NKD1: variants seen among roughly 807,000 people sequenced by gnomAD.
NKD1 encodes the protein protein naked cuticle homolog 1.
NKD1 carries 21 observed loss-of-function variants against 56.0 expected under a neutral mutation model. That is an observed-to-expected ratio of 0.38 (90% CI 0.27 to 0.54). NKD1 has a LOEUF of 0.54. Among genes scored for constraint, NKD1 ranks in the 20% least tolerant of loss-of-function variants. The probability of loss-of-function intolerance (pLI) is 0.82; values close to 1 mark genes in which losing one functional copy is unlikely to be tolerated. For missense variants in NKD1, 578 were observed against 642.7 expected, an observed-to-expected ratio of 0.90 and a Z score of 1.09; for synonymous variants, 263 against 265.7, an observed-to-expected ratio of 0.99 and a Z score of 0.10.
intron 4 of NKD1, among the ~76,000 whole-genome samples, chr16:50,621,087 T>A (rs1019234674): frequency 6.6e-6 from 1 of 152,252 alleles, no homozygotes; most frequent in African/African-American, 2.4e-5. Flanking sequence ...GGACGGTGCA[T>A]GTGTGCACTT....
At chr16:50,563,017 G>C (rs1296009525) in intron 3 of NKD1, among the ~76,000 whole-genome samples, 1 of 116,486 alleles carries the variant, frequency 8.6e-6, no homozygotes, top group Non-Finnish European at 1.6e-5. Context: ...ATGGGTAGAA[G>C]AAGGGGCTGT....
At chr16:50,601,305 A>G (rs1961590117) in intron 3 of NKD1, among the ~76,000 whole-genome samples, 1 of 152,176 alleles carries the variant, frequency 6.6e-6, no homozygotes. Flanking sequence ...TTTTAGTTGC[A>G]AGTAACGGAA....
At chr16:50,625,398 T>A in intron 5 of NKD1, 87 bp from the exon 6 acceptor site, 1 of 927,230 alleles carries the variant, frequency 1.1e-6, no homozygotes, top group Non-Finnish European at 1.8e-6. Flanking sequence ...GGCCGCCCCT[T>A]GGCCTGGCCT....
chr16:50,558,994 G>A (rs1202082106), intron 3 of NKD1, among the ~76,000 whole-genome samples: 2 of 152,220 alleles, frequency 1.3e-5, no homozygotes, highest in African/African-American at 2.4e-5. Context: ...GCCCATAGAA[G>A]GTGCCAGAGG....
At chr16:50,631,138 T>C (rs949097628) in intron 8 of NKD1, among the ~76,000 whole-genome samples, 23 of 152,358 alleles carry the variant, frequency 1.5e-4, no homozygotes, top group African/African-American at 5.3e-4. Flanking sequence ...TCAGCATTTT[T>C]TGGGCTTTGG....
chr16:50,621,250 G>A (rs1962080330), intron 4 of NKD1, among the ~76,000 whole-genome samples: 2 of 152,224 alleles, frequency 1.3e-5, no homozygotes, highest in African/African-American at 4.8e-5. Context: ...TGGTCCCTAA[G>A]CTCCCTCGCT....
At chr16:50,566,589 G>C (rs1410919168) in intron 3 of NKD1, among the ~76,000 whole-genome samples, 1 of 152,226 alleles carries the variant, frequency 6.6e-6, no homozygotes, top group Non-Finnish European at 1.5e-5. Flanking sequence ...GAGAGGAGAA[G>C]GCTGTAGAAA....
intron 3 of NKD1, among the ~76,000 whole-genome samples, chr16:50,584,018 T>G (rs780249552): frequency 7.4e-4 from 113 of 152,244 alleles, no homozygotes; most frequent in Non-Finnish European, 1.4e-3. Context: ...GGCATATCAG[T>G]TAGCTGTTGC....
intron 6 of NKD1, among the ~76,000 whole-genome samples, chr16:50,626,368 T>A (rs2151279998): frequency 6.6e-6 from 1 of 152,266 alleles, no homozygotes; most frequent in East Asian, 1.9e-4. Flanking sequence ...TGAGCGGTGA[T>A]GTGTTCAGTG....
At chr16:50,629,050 C>T (rs1438636718) in intron 6 of NKD1, among the ~76,000 whole-genome samples, 1 of 151,646 alleles carries the variant, frequency 6.6e-6, no homozygotes, top group Non-Finnish European at 1.5e-5. Context: ...ACTGCAGCCT[C>T]AAACTCCTAG....
chr16:50,619,871 G>C (rs11864346), intron 4 of NKD1, among the ~76,000 whole-genome samples: 15,939 of 152,248 alleles, frequency 0.1, 2,128 homozygotes, highest in African/African-American at 0.32. Context: ...CTCCATGAGA[G>C]AGAGAGAGGC....
At chr16:50,548,879 C>G (rs1960301984) in intron 2 of NKD1, 130 bp downstream of exon 2, 1 of 1,148,296 alleles carries the variant, frequency 8.7e-7, no homozygotes, top group Non-Finnish European at 1.1e-6. Context: ...ACCGGCCCCC[C>G]AAGCCCGCTC....
intron 3 of NKD1, among the ~76,000 whole-genome samples, chr16:50,584,687 G>C (rs1295505767): frequency 6.6e-6 from 1 of 152,206 alleles, no homozygotes; most frequent in African/African-American, 2.4e-5. Context: ...TAAAATACCA[G>C]CCAGCTTATA....
chr16:50,633,079 T>C lies in NKD1; in HGVS notation c.824-113T>C, dbSNP rs919521314. On this transcript the variant is annotated intron_variant, in intron 9 of 9. Transcript: ENST00000268459. This position sits in a 1 kb window ranked among gnomAD's most constrained non-coding sequence, Gnocchi z 4.9. The stretch of plus-strand genomic sequence containing the variant: ...AAGGCAGTGAGGGGCAGTCAGGGCA[T>C]TGGGGGGTAGCTCTGGTTTTGGAGA... 4.2e-5 allele frequency: 40 copies of C among 958,192 alleles called. No individual in the cohort carries two copies. The East Asian group carries it at 5.2e-4, about 12-fold the overall frequency. 59.4% of individuals were successfully genotyped at this position (958,192 alleles called of 1,614,324 possible).
Position 50,644,760 on chromosome 16 carries a change from A to G in NKD1, c.*10979A>G, listed in dbSNP as rs985853645. Reference sequence around the variant, plus strand: ...CTCTGTCCTCAAAAGGCAGCATCTGATTGTGATTTGGTCCAGAAATTCCTG... The same window carrying G: ...CTCTGTCCTCAAAAGGCAGCATCTGGTTGTGATTTGGTCCAGAAATTCCTG... On this transcript the variant is annotated 3_prime_UTR_variant, in exon 10 of 10. Coordinates refer to ENST00000268459, the MANE Select transcript of NKD1 (RefSeq NM_033119.5). The G allele has an allele frequency of 6.6e-6, 1 of 152,226 alleles. No individual in the cohort carries two copies. The highest frequency in any genetic ancestry group is 2.4e-5 in the African/African-American group (1 of 41,450). The allele number at this position is 152,226 out of a possible 1,614,324, so 9.4% of individuals were successfully genotyped here. A position where few individuals can be genotyped will look rare whatever the true frequency, so the allele number is the denominator to read the frequency against.
At position 50,632,443 on chromosome 16, in the gene NKD1, G is replaced by C; in HGVS notation, c.823+35G>C. ...TCAAGCACCCTGCAATGGGCGATGAGGGCAGGGCGTGGCTGGACGGGCCAG... is the reference window on the plus strand; with the variant it reads ...TCAAGCACCCTGCAATGGGCGATGACGGCAGGGCGTGGCTGGACGGGCCAG... On this transcript the variant is annotated intron_variant, in intron 9 of 9. Transcript: ENST00000268459. This position sits in a 1 kb window ranked among gnomAD's most constrained non-coding sequence, Gnocchi z 4.1. 1.2e-6 allele frequency: 2 copies of C among 1,612,934 alleles called. No homozygotes were observed. Among genetic ancestry groups the C allele is most frequent in the Non-Finnish European group, 1.7e-6 (2 of 1,179,068 alleles).
At position 50,645,791 on chromosome 16, in the gene NKD1, T is replaced by A. The variant is rs1167173168; in HGVS notation, c.*12010T>A. 1 of 152,164 alleles carries A rather than the reference T, an allele frequency of 6.6e-6. No individual in the cohort carries two copies. The highest frequency in any genetic ancestry group is 1.5e-5 in the Non-Finnish European group (1 of 68,036). 9.4% of individuals were successfully genotyped at this position (152,164 alleles called of 1,614,324 possible). On this transcript the variant is annotated 3_prime_UTR_variant, in exon 10 of 10. Coordinates refer to ENST00000268459, the MANE Select transcript of NKD1 (RefSeq NM_033119.5). ...ACTACCTTCCGTGCTGCCGAACATC[T>A]TCTTAAGCGAGGGAAAGAACAAAAA...
intron 8 of NKD1, among the ~76,000 whole-genome samples, chr16:50,631,366 C>T (rs966804986): frequency 6.6e-6 from 1 of 152,138 alleles, no homozygotes; most frequent in Non-Finnish European, 1.5e-5. Context: ...TACCTTTCAC[C>T]TGTTACTTCT....
At chr16:50,606,738 C>A (rs372588154) in intron 3 of NKD1, 1 of 449,164 alleles carries the variant, frequency 2.2e-6, no homozygotes, top group South Asian at 1.6e-5. Flanking sequence ...CGCAGAGCCC[C>A]GCTCTGCAGA....
Sources: allele counts gnomAD v4.1 joint callset (sites outside exome capture counted in the v4.1 genomes callset), GRCh38; gene constraint gnomAD v4.1.1; non-coding constraint Gnocchi (gnomAD v3.1); transcripts MANE v1.5; gene names NCBI Gene and HGNC (gene_info 2026-07-23, HGNC 2026-07-21).